ZAN: variants seen among roughly 807,000 people sequenced by gnomAD.
The protein encoded by ZAN is zonadhesin (gene/pseudogene).
Under a neutral mutation model 286.2 loss-of-function variants are expected in ZAN, and 260 were observed. The observed-to-expected ratio is 0.91, with a 90% CI of 0.82 to 1.01. The LOEUF is 1.01. ZAN is among the 50% of genes least tolerant of loss of function. The pLI, the probability that ZAN is intolerant of heterozygous loss-of-function variation, is 0.00. For synonymous variants in ZAN, 1,368 were observed against 1,417.5 expected, an observed-to-expected ratio of 0.97 and a Z score of 0.79; for missense variants, 3,410 against 3,639.2, an observed-to-expected ratio of 0.94 and a Z score of 1.62.
chr7:100,784,421 C>T (rs1393986807), intron 35 of ZAN, among the ~76,000 whole-genome samples: 2 of 152,102 alleles, frequency 1.3e-5, no homozygotes, highest in Admixed American at 6.6e-5. Flanking sequence ...AGCCACCATG[C>T]CCAGCCGCTT....
Position 100,787,940 on chromosome 7 carries a change from GCTTCAGCTACCGCT to G in ZAN, c.7032_7045del (p.Phe2345AlafsTer17). On this transcript the variant is annotated frameshift_variant, in exon 38 of 48. Transcript: ENST00000613979. LOFTEE classifies it high-confidence loss of function. Reference sequence around the variant, plus strand: ...GACCCCCGTTACCTCACATTTGACGGCTTCAGCTACCGCTTGCAAGGCCGCATGACCTATGTTCT... The same window carrying G: ...GACCCCCGTTACCTCACATTTGACGGTGCAAGGCCGCATGACCTATGTTCT... 1 of 499,996 alleles carries G rather than the reference GCTTCAGCTACCGCT, an allele frequency of 2.0e-6. No individual in the cohort carries two copies. 31.0% of individuals were successfully genotyped at this position (499,996 alleles called of 1,614,324 possible). A position where few individuals can be genotyped will look rare whatever the true frequency, so the allele number is the denominator to read the frequency against.
intron 34 of ZAN, among the ~76,000 whole-genome samples, chr7:100,778,484 G>T (rs1231789241): frequency 6.6e-6 from 1 of 152,014 alleles, no homozygotes; most frequent in African/African-American, 2.4e-5. Flanking sequence ...ACCAGGTGTG[G>T]TTAGTCCCAG....
intron 19 of ZAN, 73 bp downstream of exon 19, chr7:100,760,609 G>T: frequency 6.4e-7 from 1 of 1,553,288 alleles, no homozygotes; most frequent in Non-Finnish European, 8.7e-7. Context: ...TCTTCCTGCT[G>T]CCCACCCTGC....
rs370360511 is a variant in ZAN at position 100,763,411 on chromosome 7, G to T, written c.3987-395G>T. Among the ~76,000 whole-genome samples the T allele has an allele frequency of 2.0e-5, 3 of 151,852 alleles. No homozygotes were observed. Among genetic ancestry groups the T allele is most frequent in the Non-Finnish European group, 2.9e-5 (2 of 67,970 alleles). On this transcript the variant is annotated intron_variant, in intron 20 of 47. Coordinates refer to ENST00000613979, the MANE Select transcript of ZAN (RefSeq NM_003386.3). The surrounding 1 kb of genome is among the most constrained non-coding windows in gnomAD (Gnocchi z 4.6). ...TTTAGAGACAGGGCCTTGCTCTGTC[G>T]CCCAGGCTGGAGTGCAGTGGTTCAA...
At chr7:100,767,398 C>A in intron 25 of ZAN, 141 bp downstream of exon 25, 1 of 1,214,820 alleles carries the variant, frequency 8.2e-7, no homozygotes. Context: ...AGACCCTCTT[C>A]TCTGGACTCC....
chr7:100,749,426 G>A (rs1379989277), intron 11 of ZAN, among the ~76,000 whole-genome samples: 1 of 150,208 alleles, frequency 6.7e-6, no homozygotes, highest in Non-Finnish European at 1.5e-5. Flanking sequence ...GGATCACAAG[G>A]TCAGGAGATC....
rs374110160 is a variant in ZAN at position 100,751,299 on chromosome 7, C to T, written c.1606+33C>T. Reference sequence around the variant, plus strand: ...CAAAGCCCAGGCTCCAGGAAGGGGGCGGTGCCCTGAGGTTCCCTGGAGTTC... The same window carrying T: ...CAAAGCCCAGGCTCCAGGAAGGGGGTGGTGCCCTGAGGTTCCCTGGAGTTC... On this transcript the variant is annotated intron_variant, in intron 13 of 47. Transcript: ENST00000613979. 208 of 1,492,980 alleles carry T rather than the reference C, an allele frequency of 1.4e-4. 1 individual carries two copies. The highest frequency in any genetic ancestry group is 1.3e-4 in the South Asian group (10 of 76,760). The allele number at this position is 1,492,980 out of a possible 1,614,324, so 92.5% of individuals were successfully genotyped here.
At chr7:100,747,489 G>A in intron 8 of ZAN, 61 bp from the exon 9 acceptor site, 1 of 1,452,096 alleles carries the variant, frequency 6.9e-7, no homozygotes. Flanking sequence ...CCTAGGTATA[G>A]TTCAAAGTCG....
In ZAN at chr7:100,748,316, T is replaced by TC; in HGVS notation, c.1103-3dup. The TC allele has an allele frequency of 6.2e-7, 1 of 1,613,816 alleles. No homozygotes were observed. On this transcript the variant is annotated splice_region_variant and splice_polypyrimidine_tract_variant and intron_variant, in intron 10 of 47. Transcript: ENST00000613979. ...AACTTGCTCAAATATCCTATTTTGA[T>TC]CCCCCAGAGGGTTTTCCTCAGTGTG... is the stretch of plus-strand genomic sequence containing the variant.
intron 9 of ZAN, 89 bp downstream of exon 9, chr7:100,747,730 C>T: frequency 2.3e-6 from 3 of 1,283,552 alleles, no homozygotes; most frequent in Non-Finnish European, 3.4e-6. Context: ...GTGGCTCATG[C>T]CTGTATTCCC....
chr7:100,751,379 G>A, intron 13 of ZAN, 113 bp downstream of exon 13: 1 of 767,144 alleles, frequency 1.3e-6, no homozygotes. Context: ...TTCTCACCCA[G>A]CTGGCTTTGT....
In ZAN at chr7:100,763,748, T is replaced by G; in HGVS notation, c.3987-58T>G. ...CTGCCAGCCTTGCTGCCTGCTGGGT[T>G]AGGGATGAGCTGGAAGCGAGCTTTG... On this transcript the variant is annotated intron_variant, in intron 20 of 47. Coordinates refer to ENST00000613979, the MANE Select transcript of ZAN (RefSeq NM_003386.3). This position sits in a 1 kb window ranked among gnomAD's most constrained non-coding sequence, Gnocchi z 4.6. 1 of 1,555,542 alleles carries G rather than the reference T, an allele frequency of 6.4e-7. No individual in the cohort carries two copies. The highest frequency in any genetic ancestry group is 8.9e-7 in the Non-Finnish European group (1 of 1,128,884).
rs777878939 is a variant in ZAN, at chr7:100,792,393, T to G, written c.7713-12T>G. On this transcript the variant is annotated splice_polypyrimidine_tract_variant and intron_variant, in intron 41 of 47. Transcript: ENST00000613979. ...AACTGACTGTGCCCTTCCTGCCCCC[T>G]CTCTGCACCAGGCACTGCGTGCTGG... The G allele has an allele frequency of 6.2e-7, 1 of 1,600,640 alleles. No homozygotes were observed. The highest frequency in any genetic ancestry group is 1.3e-5 in the African/African-American group (1 of 74,572).
rs1357174344 is a variant in ZAN at position 100,758,199 on chromosome 7, C to A, written c.3310-3C>A. 1 of 1,610,050 alleles carries A rather than the reference C, an allele frequency of 6.2e-7. No individual in the cohort carries two copies. The highest frequency in any genetic ancestry group is 2.2e-5 in the East Asian group (1 of 44,836). ...TGTGTGACCTCACATCCCTTTCTCCCAGCCTGGGGCAGAGTGGTTCAGCCC... is the reference window on the plus strand; with the variant it reads ...TGTGTGACCTCACATCCCTTTCTCCAAGCCTGGGGCAGAGTGGTTCAGCCC... On this transcript the variant is annotated splice_region_variant and splice_polypyrimidine_tract_variant and intron_variant, in intron 15 of 47. Coordinates refer to ENST00000613979, the MANE Select transcript of ZAN (RefSeq NM_003386.3).
At chr7:100,765,162 G>A (rs868751517) in intron 22 of ZAN, among the ~76,000 whole-genome samples, 190 bp from the exon 23 acceptor site, 2 of 152,144 alleles carry the variant, frequency 1.3e-5, no homozygotes, top group South Asian at 2.1e-4. Flanking sequence ...CAGGGCCGGC[G>A]CCTTAGTGCT....
chr7:100,758,088 AT>A, intron 15 of ZAN, 113 bp from the exon 16 acceptor site: 1 of 286,248 alleles, frequency 3.5e-6, no homozygotes, highest in Non-Finnish European at 4.6e-6. Flanking sequence ...TCCATCACAA[AT>A]AAATAAATAA....
intron 35 of ZAN, among the ~76,000 whole-genome samples, chr7:100,780,598 C>T (rs1007016388): frequency 6.6e-6 from 1 of 151,038 alleles, no homozygotes; most frequent in Non-Finnish European, 1.5e-5. Context: ...CACTTGAGCC[C>T]GGCAGTGAAC....
chr7:100,738,051 G>A lies in ZAN; in HGVS notation c.614-410G>A, dbSNP rs1361474382. On this transcript the variant is annotated intron_variant, in intron 6 of 47. Coordinates refer to ENST00000613979, the MANE Select transcript of ZAN (RefSeq NM_003386.3). ...GGCTCACTGCAACTTCTGCCTCTTG[G>A]GTTCAAATGATTCTCCTGCCTCAGT... is the stretch of plus-strand genomic sequence containing the variant. Among the ~76,000 whole-genome samples the A allele has an allele frequency of 1.4e-5, 2 of 140,366 alleles. 1 individual carries two copies. Among genetic ancestry groups the A allele is most frequent in the Non-Finnish European group, 3.2e-5 (2 of 62,790 alleles). The allele number at this position is 140,366 out of a possible 152,430, so 92.1% of individuals were successfully genotyped here. A position where few individuals can be genotyped will look rare whatever the true frequency, so the allele number is the denominator to read the frequency against.
rs774716938 is a variant in ZAN at position 100,752,526 on chromosome 7, G to T, written c.2421G>T (p.Glu807Asp). The change falls in exon 14 of 48, where the codon GAG becomes GAT. Residue 807 changes from glutamate to aspartate, a missense_variant. This residue lies in a region of ZAN where 90 missense variants were observed against 87.1 expected (regional missense o/e 1.03). Coordinates refer to ENST00000613979, the MANE Select transcript of ZAN (RefSeq NM_003386.3). ...STEEPTTPTE[E>D]TTISTEKPSI... ...AAGAGCCCACCACCCCCACTGAGGAGACCACCATCTCCACAGAAAAACCCA... is the reference window on the plus strand; with the variant it reads ...AAGAGCCCACCACCCCCACTGAGGATACCACCATCTCCACAGAAAAACCCA... 5 of 1,590,762 alleles carry T rather than the reference G, an allele frequency of 3.1e-6. No individual in the cohort carries two copies. The highest frequency in any genetic ancestry group is 3.0e-5 in the African/African-American group (2 of 67,120).
Sources: allele counts gnomAD v4.1 joint callset (sites outside exome capture counted in the v4.1 genomes callset), GRCh38; gene constraint gnomAD v4.1.1; regional missense constraint gnomAD v4.1.1; non-coding constraint Gnocchi (gnomAD v3.1); transcripts MANE v1.5; gene names NCBI Gene and HGNC (gene_info 2026-07-23, HGNC 2026-07-21).